MAGI2: variants seen among roughly 807,000 people sequenced by gnomAD.
The protein encoded by MAGI2 is membrane-associated guanylate kinase, WW and PDZ domain-containing protein 2.
MAGI2 carries 35 observed loss-of-function variants against 133.3 expected under a neutral mutation model. That is an observed-to-expected ratio of 0.26 (90% CI 0.20 to 0.35). The LOEUF (loss-of-function observed/expected upper bound fraction) is 0.35. Among genes scored for constraint, MAGI2 ranks in the 10% least tolerant of loss-of-function variants. The pLI, the probability that MAGI2 is intolerant of heterozygous loss-of-function variation, is 1.00. For missense variants in MAGI2, 1,636 were observed against 1,863.4 expected (o/e 0.88, Z 2.25); for synonymous variants, 729 against 710.6 (o/e 1.03, Z -0.41).
At chr7:78,033,468 G>A (rs1313268168) in intron 21 of MAGI2, among the ~76,000 whole-genome samples, 1 of 56,036 alleles carries the variant, frequency 1.8e-5, no homozygotes, top group East Asian at 5.8e-4. Flanking sequence ...GTAAGAGCTT[G>A]TCTCAAAAAA....
chr7:78,874,752 A>G (rs1795290785), intron 2 of MAGI2, among the ~76,000 whole-genome samples: 1 of 152,166 alleles, frequency 6.6e-6, no homozygotes, highest in Non-Finnish European at 1.5e-5. Flanking sequence ...ACAATAATAC[A>G]TTGTATAGTT....
intron 2 of MAGI2, among the ~76,000 whole-genome samples, chr7:78,843,682 CT>C (rs1792336307): frequency 6.6e-6 from 1 of 151,498 alleles, no homozygotes; most frequent in South Asian, 2.1e-4. Flanking sequence ...GTGCATTTGC[CT>C]GTGTCATTAA....
chr7:78,869,654 G>A (rs1160416583), intron 2 of MAGI2, among the ~76,000 whole-genome samples: 2 of 152,176 alleles, frequency 1.3e-5, no homozygotes, highest in African/African-American at 4.8e-5. Context: ...GCAGGAGAGA[G>A]AGTGCTAGGA....
At chr7:78,063,011 A>G (rs1353415152) in intron 21 of MAGI2, among the ~76,000 whole-genome samples, 5 of 152,058 alleles carry the variant, frequency 3.3e-5, no homozygotes, top group African/African-American at 9.7e-5. Context: ...TCCAACCCCA[A>G]TGTGCTATTT....
intron 10 of MAGI2, among the ~76,000 whole-genome samples, chr7:78,222,337 A>G (rs1014850652): frequency 6.6e-6 from 1 of 152,194 alleles, no homozygotes; most frequent in Admixed American, 6.5e-5. Flanking sequence ...CATGAGCTCT[A>G]TGGAGAAAAA....
At chr7:78,611,784 C>T (rs1435697643) in intron 3 of MAGI2, among the ~76,000 whole-genome samples, 1 of 152,164 alleles carries the variant, frequency 6.6e-6, no homozygotes. Context: ...GTACTGCCAA[C>T]AATTCTTATG....
At chr7:78,563,176 C>T (rs1800590093) in intron 3 of MAGI2, among the ~76,000 whole-genome samples, 1 of 152,100 alleles carries the variant, frequency 6.6e-6, no homozygotes, top group Non-Finnish European at 1.5e-5. Flanking sequence ...TCCTAATGTC[C>T]TGCTGAGCCA....
chr7:78,078,664 C>T (rs958339016), intron 21 of MAGI2: 4 of 544,910 alleles, frequency 7.3e-6, no homozygotes, highest in Admixed American at 7.4e-5. Flanking sequence ...TAGATCTCCT[C>T]GCACACTCAC....
At chr7:78,906,119 C>G (rs1797975230) in intron 2 of MAGI2, among the ~76,000 whole-genome samples, 1 of 152,102 alleles carries the variant, frequency 6.6e-6, no homozygotes, top group South Asian at 2.1e-4. Context: ...TCAGCTACTA[C>G]TAATATAGAA....
intron 2 of MAGI2, among the ~76,000 whole-genome samples, chr7:78,679,202 C>T (rs1421139972): frequency 1.3e-5 from 2 of 152,178 alleles, no homozygotes; most frequent in Admixed American, 1.3e-4. Flanking sequence ...CTCCTCCTTT[C>T]CCTTCTCTGA....
intron 2 of MAGI2, among the ~76,000 whole-genome samples, chr7:78,866,368 A>G (rs1485415397): frequency 2.6e-5 from 4 of 152,178 alleles, no homozygotes; most frequent in Admixed American, 6.5e-5. Flanking sequence ...ATGCTAACTG[A>G]ATAGACATAA....
intron 21 of MAGI2, among the ~76,000 whole-genome samples, chr7:78,024,939 A>T (rs1234590365): frequency 1.3e-5 from 2 of 152,166 alleles, no homozygotes; most frequent in Non-Finnish European, 2.9e-5. Context: ...TCCAGTGATT[A>T]TCTGTATAAC....
chr7:78,141,236 G>A (rs1209087677), intron 16 of MAGI2, among the ~76,000 whole-genome samples: 1 of 152,130 alleles, frequency 6.6e-6, no homozygotes, highest in Non-Finnish European at 1.5e-5. Context: ...TGGAGACTGA[G>A]CACAGAGGAA....
intron 2 of MAGI2, among the ~76,000 whole-genome samples, chr7:78,836,904 C>T (rs1263215817): frequency 1.1e-4 from 6 of 52,448 alleles, no homozygotes; most frequent in Non-Finnish European, 2.5e-4. Context: ...TATACTCAGC[C>T]TCAGCTGTTC....
intron 21 of MAGI2, among the ~76,000 whole-genome samples, chr7:78,051,253 A>G (rs897322992): frequency 2.0e-5 from 3 of 152,224 alleles, no homozygotes; most frequent in African/African-American, 7.2e-5. Context: ...CAGTACACAG[A>G]TGCAGGCAAG....
chr7:78,470,616 C>T (rs1791100305), intron 6 of MAGI2, among the ~76,000 whole-genome samples: 1 of 152,034 alleles, frequency 6.6e-6, no homozygotes, highest in Non-Finnish European at 1.5e-5. Flanking sequence ...GATCAAAAAA[C>T]AACATGAATT....
At chr7:79,396,003 C>A (rs1845024057) in intron 1 of MAGI2, among the ~76,000 whole-genome samples, 1 of 152,068 alleles carries the variant, frequency 6.6e-6, no homozygotes, top group African/African-American at 2.4e-5. Flanking sequence ...ATATGTGTGT[C>A]ACTTTCTCTG....
At chr7:78,115,786 G>A (rs1819806069) in intron 20 of MAGI2, among the ~76,000 whole-genome samples, 1 of 152,142 alleles carries the variant, frequency 6.6e-6, no homozygotes, top group African/African-American at 2.4e-5. Context: ...AGGAGTTTAA[G>A]ACCAGCCTGG....
chr7:78,774,578 C>T (rs527744257), intron 2 of MAGI2, among the ~76,000 whole-genome samples: 52 of 152,224 alleles, frequency 3.4e-4, no homozygotes, highest in African/African-American at 9.9e-4. Context: ...CTCATGTCAG[C>T]AGGCAAAGAC....
Sources: allele counts gnomAD v4.1 joint callset (sites outside exome capture counted in the v4.1 genomes callset), GRCh38; gene constraint gnomAD v4.1.1; transcripts MANE v1.5; gene names NCBI Gene and HGNC (gene_info 2026-07-23, HGNC 2026-07-21).